The following NKAIN1 variants were observed in gnomAD, a reference collection of about 807,000 sequenced individuals.
The protein encoded by NKAIN1 is sodium/potassium-transporting ATPase subunit beta-1-interacting protein 1.
NKAIN1 carries 13 observed loss-of-function variants against 31.6 expected under a neutral mutation model. The ratio of observed to expected loss-of-function variants is 0.41; its 90% CI spans 0.27 to 0.65. The LOEUF (loss-of-function observed/expected upper bound fraction) is 0.65. Ranked by LOEUF, NKAIN1 falls within the 30% of genes least tolerant of loss-of-function variation. The pLI, the probability that NKAIN1 is intolerant of heterozygous loss-of-function variation, is 0.30. For synonymous variants in NKAIN1, 104 were observed against 109.0 expected, an observed-to-expected ratio of 0.95 and a Z score of 0.28; for missense variants, 193 against 262.2, an observed-to-expected ratio of 0.74 and a Z score of 1.82.
rs192161387 is a variant in NKAIN1, at chr1:31,196,444, C to T, written c.55-8257G>A. Among the ~76,000 whole-genome samples, 626 of 148,004 alleles carry T rather than the reference C, an allele frequency of 4.2e-3. 36 individuals are homozygous for T. The East Asian group carries it at 0.098, about 23-fold the overall frequency. ...AGGAGAATGGCTTGAACCCAGGAGG[C>T]GGAGCCTGCAGTGAGCTGAGATCGT... On this transcript the variant is annotated intron_variant, in intron 1 of 6. Transcript: ENST00000373736.
At chr1:31,182,107 G>A (rs74063688) in intron 5 of NKAIN1, among the ~76,000 whole-genome samples, 166 bp from the exon 6 acceptor site, 4,510 of 152,220 alleles carry the variant, frequency 0.03, 169 homozygotes, top group African/African-American at 0.086. Context: ...TGCAGGGCCT[G>A]GGGCGGGGCT....
intron 1 of NKAIN1, among the ~76,000 whole-genome samples, chr1:31,212,224 G>C (rs4949364): frequency 0.67 from 101,432 of 151,832 alleles, 34,896 homozygotes; most frequent in Middle Eastern, 0.86. Context: ...TTCAACAAAT[G>C]TTGCTGGGAC....
At chr1:31,195,358 G>A (rs1050010956) in intron 1 of NKAIN1, among the ~76,000 whole-genome samples, 5 of 150,690 alleles carry the variant, frequency 3.3e-5, no homozygotes, top group African/African-American at 1.2e-4. Flanking sequence ...TCGACCTCAG[G>A]TGATCCACCT....
chr1:31,202,834 G>T (rs12031630), intron 1 of NKAIN1, among the ~76,000 whole-genome samples: 91,945 of 149,554 alleles, frequency 0.61, 32,507 homozygotes, highest in Middle Eastern at 0.85. Context: ...AAAATTAGCT[G>T]GGCGTGGTGG....
intron 1 of NKAIN1, among the ~76,000 whole-genome samples, chr1:31,230,766 G>A (rs981692950): frequency 6.6e-6 from 1 of 151,538 alleles, no homozygotes; most frequent in African/African-American, 2.4e-5. Flanking sequence ...ATATTTAGGG[G>A]GCACATGAGA....
chr1:31,183,353 C>G (rs917591239), intron 4 of NKAIN1, among the ~76,000 whole-genome samples: 1 of 149,386 alleles, frequency 6.7e-6, no homozygotes, highest in Non-Finnish European at 1.5e-5. Context: ...GGGGCTGGGG[C>G]AGCGGTGAGG....
At chr1:31,205,988 C>G (rs965076016) in intron 1 of NKAIN1, among the ~76,000 whole-genome samples, 1 of 150,788 alleles carries the variant, frequency 6.6e-6, no homozygotes, top group Non-Finnish European at 1.5e-5. Context: ...AATCCCAGCA[C>G]TTTGGGAGGC....
chr1:31,213,518 T>C (rs1033001711), intron 1 of NKAIN1, among the ~76,000 whole-genome samples: 61 of 152,314 alleles, frequency 4.0e-4, no homozygotes, highest in African/African-American at 1.3e-3. Context: ...ATGGGGCTAG[T>C]TCTTCCAACA....
At chr1:31,182,476 G>A in intron 5 of NKAIN1, 54 bp downstream of exon 5, 2 of 1,599,420 alleles carry the variant, frequency 1.3e-6, no homozygotes, top group Non-Finnish European at 8.6e-7. Flanking sequence ...CTCTGTCCAG[G>A]GTGCTGAAGG....
rs1569602152 is a variant in NKAIN1, at chr1:31,239,679, G to A, written c.-132C>T. The A allele has an allele frequency of 3.9e-6, 1 of 257,062 alleles. No homozygotes were observed. Among genetic ancestry groups the A allele is most frequent in the Non-Finnish European group, 6.1e-6 (1 of 165,112 alleles). The allele number at this position is 257,062 out of a possible 1,614,324, so 15.9% of individuals were successfully genotyped here. A position where few individuals can be genotyped will look rare whatever the true frequency, so the allele number is the denominator to read the frequency against. On this transcript the variant is annotated 5_prime_UTR_variant, in exon 1 of 7. Coordinates refer to ENST00000373736, the MANE Select transcript of NKAIN1 (RefSeq NM_024522.3). The surrounding 1 kb of genome is among the most constrained non-coding windows in gnomAD (Gnocchi z 4.8). ...GCGGCGGGGCCGGGCGCCTAGGGCCGGGCCCGGGAGTGTCCGGTCCCCAAG... is the reference window on the plus strand; with the variant it reads ...GCGGCGGGGCCGGGCGCCTAGGGCCAGGCCCGGGAGTGTCCGGTCCCCAAG...
chr1:31,216,478 C>T (rs1014466622), intron 1 of NKAIN1, among the ~76,000 whole-genome samples: 2 of 152,106 alleles, frequency 1.3e-5, no homozygotes, highest in African/African-American at 4.8e-5. Flanking sequence ...AGGTCAAGCC[C>T]GCTTTGCATA....
chr1:31,236,878 G>T (rs1318125439), intron 1 of NKAIN1, among the ~76,000 whole-genome samples: 2 of 152,112 alleles, frequency 1.3e-5, no homozygotes, highest in East Asian at 3.9e-4. Context: ...CCTTCCATGG[G>T]GCCCCAGACT....
chr1:31,234,102 A>C (rs980913061), intron 1 of NKAIN1, among the ~76,000 whole-genome samples: 2 of 152,208 alleles, frequency 1.3e-5, no homozygotes, highest in Non-Finnish European at 2.9e-5. Context: ...CCATCTCATA[A>C]GGGCCTCGAG....
At position 31,233,557 on chromosome 1, in the gene NKAIN1, C is replaced by T. The variant is rs1045293981; in HGVS notation, c.54+5937G>A. ...ATATATAAAATGCCTAGTACAATGC[C>T]TGGCTCATAGCAGACACCAAACAAA... On this transcript the variant is annotated intron_variant, in intron 1 of 6. Coordinates refer to ENST00000373736, the MANE Select transcript of NKAIN1 (RefSeq NM_024522.3). The surrounding 1 kb of genome is among the most constrained non-coding windows in gnomAD (Gnocchi z 4.0). Among the ~76,000 whole-genome samples the T allele has an allele frequency of 2.0e-5, 3 of 152,210 alleles. No individual in the cohort carries two copies. The highest frequency in any genetic ancestry group is 7.2e-5 in the African/African-American group (3 of 41,438).
chr1:31,214,926 C>T (rs1237227470), intron 1 of NKAIN1, among the ~76,000 whole-genome samples: 1 of 152,194 alleles, frequency 6.6e-6, no homozygotes, highest in African/African-American at 2.4e-5. Flanking sequence ...GGATGGGACA[C>T]TAAGCCCTCC....
intron 1 of NKAIN1, among the ~76,000 whole-genome samples, chr1:31,226,867 G>A (rs1311166579): frequency 2.0e-5 from 3 of 151,648 alleles, no homozygotes; most frequent in Non-Finnish European, 2.9e-5. Context: ...TCTGTTGCCC[G>A]GGCTGGAGTG....
chr1:31,195,295 A>G (rs1645316754), intron 1 of NKAIN1, among the ~76,000 whole-genome samples: 1 of 149,890 alleles, frequency 6.7e-6, no homozygotes, highest in South Asian at 2.1e-4. Context: ...AATTTTTTGT[A>G]TTTTTTAGTG....
chr1:31,228,810 G>A (rs987959355), intron 1 of NKAIN1, among the ~76,000 whole-genome samples: 4 of 152,046 alleles, frequency 2.6e-5, no homozygotes, highest in African/African-American at 9.7e-5. Context: ...TGCCCAGGCT[G>A]GTCTTGAACT....
At chr1:31,202,618 A>C (rs1227894560) in intron 1 of NKAIN1, among the ~76,000 whole-genome samples, 3 of 147,012 alleles carry the variant, frequency 2.0e-5, no homozygotes, top group Non-Finnish European at 4.5e-5. Flanking sequence ...TGGAGCTTGC[A>C]GTGAGCTGAG....
Sources: gnomAD v4.1 joint callset for allele counts (sites outside exome capture counted in the v4.1 genomes callset) on GRCh38, gnomAD v4.1.1 for gene constraint, Gnocchi (gnomAD v3.1) non-coding constraint, MANE v1.5 for transcripts, NCBI Gene and HGNC (gene_info 2026-07-23, HGNC 2026-07-21) for gene names.